The following KIAA1217 variants were observed in gnomAD, a reference collection of about 807,000 sequenced individuals.
KIAA1217 encodes the protein sickle tail protein homolog.
In KIAA1217, 88 loss-of-function variants were observed where a neutral mutation model predicts 163.9. That is an observed-to-expected ratio of 0.54 (90% CI 0.45 to 0.64). The LOEUF (loss-of-function observed/expected upper bound fraction) is 0.64. Among genes scored for constraint, KIAA1217 ranks in the 30% least tolerant of loss-of-function variants. The probability of loss-of-function intolerance (pLI) is 0.00; values close to 1 mark genes in which losing one functional copy is unlikely to be tolerated. For missense variants in KIAA1217, 2,372 were observed against 2,475.0 expected, an observed-to-expected ratio of 0.96 and a Z score of 0.88; for synonymous variants, 903 against 923.1, an observed-to-expected ratio of 0.98 and a Z score of 0.39.
chr10:24,435,597 G>A (rs960280273), intron 4 of KIAA1217, among the ~76,000 whole-genome samples: 1 of 152,166 alleles, frequency 6.6e-6, no homozygotes, highest in Admixed American at 6.5e-5. Flanking sequence ...CCTGTGCAAG[G>A]ATTTTTATAT....
At chr10:23,870,582 C>T (rs2131160649) in intron 1 of KIAA1217, among the ~76,000 whole-genome samples, 1 of 152,200 alleles carries the variant, frequency 6.6e-6, no homozygotes, top group East Asian at 1.9e-4. Context: ...ACCTTATTTA[C>T]TGTTTATTCT....
intron 2 of KIAA1217, among the ~76,000 whole-genome samples, chr10:24,286,457 C>T (rs986873420): frequency 6.0e-4 from 90 of 149,780 alleles, no homozygotes; most frequent in African/African-American, 1.6e-3. Context: ...TATATATATA[C>T]ACACACACAC....
chr10:23,981,212 A>C (rs1845753503), intron 1 of KIAA1217, among the ~76,000 whole-genome samples: 2 of 152,220 alleles, frequency 1.3e-5, no homozygotes, highest in Non-Finnish European at 2.9e-5. Context: ...ACTTTCTGAA[A>C]TTGTAAGGAA....
At chr10:23,932,500 G>T (rs2131314480) in intron 1 of KIAA1217, among the ~76,000 whole-genome samples, 1 of 139,372 alleles carries the variant, frequency 7.2e-6, no homozygotes, top group East Asian at 2.0e-4. Context: ...CCTCAACTCT[G>T]GGCCTAATAC....
intron 2 of KIAA1217, among the ~76,000 whole-genome samples, chr10:24,102,713 T>C (rs1589506020): frequency 6.6e-6 from 1 of 152,336 alleles, no homozygotes; most frequent in Non-Finnish European, 1.5e-5. Flanking sequence ...GCCAAAAGAA[T>C]AAATTCCCTT....
At chr10:24,010,166 G>C (rs1051298658) in intron 2 of KIAA1217, among the ~76,000 whole-genome samples, 2 of 151,514 alleles carry the variant, frequency 1.3e-5, no homozygotes, top group African/African-American at 4.9e-5. Flanking sequence ...AGAAAACCTG[G>C]ACTGTATGAA....
rs185768873 is a variant in KIAA1217 at position 24,524,671 on chromosome 10, C to T, written c.2805C>T (p.Ser935=). The T allele has an allele frequency of 4.3e-5, 70 of 1,614,164 alleles. No individual in the cohort carries two copies. Among genetic ancestry groups the T allele is most frequent in the Admixed American group, 1.7e-4 (10 of 60,024 alleles). ...TGCAGATGTCGCAGGCTCCGCAGTC[C>T]CCACAGATACCCATGAATGGGTCTG... is the stretch of plus-strand genomic sequence containing the variant. The part of the protein sequence containing the change: ...STLQMSQAPQ[S]PQIPMNGSAM... The change falls in exon 13 of 21, where the codon TCC becomes TCT. Residue 935 remains serine (S), a synonymous_variant. Coordinates refer to ENST00000376454, the MANE Select transcript of KIAA1217 (RefSeq NM_019590.5).
At chr10:23,867,512 G>C (rs1280918129) in intron 1 of KIAA1217, among the ~76,000 whole-genome samples, 24 of 152,162 alleles carry the variant, frequency 1.6e-4, no homozygotes. Flanking sequence ...TCCAGCACCT[G>C]TTGTTTCCTG....
intron 1 of KIAA1217, among the ~76,000 whole-genome samples, chr10:23,902,654 G>C (rs1842004564): frequency 6.6e-6 from 1 of 152,102 alleles, no homozygotes; most frequent in African/African-American, 2.4e-5. Context: ...ATACTAGTCA[G>C]TCCAGTAATG....
intron 2 of KIAA1217, among the ~76,000 whole-genome samples, chr10:24,148,637 C>T (rs908323267): frequency 6.6e-6 from 1 of 152,186 alleles, no homozygotes; most frequent in African/African-American, 2.4e-5. Context: ...GATATGCCGG[C>T]TTCCCCTGTG....
intron 2 of KIAA1217, among the ~76,000 whole-genome samples, chr10:24,086,984 A>T (rs2061719631): frequency 6.6e-6 from 1 of 152,204 alleles, no homozygotes; most frequent in Non-Finnish European, 1.5e-5. Flanking sequence ...ACATGGCCTT[A>T]GGTCATCCTC....
At chr10:24,165,572 C>G (rs1409703466) in intron 2 of KIAA1217, among the ~76,000 whole-genome samples, 1 of 152,142 alleles carries the variant, frequency 6.6e-6, no homozygotes, top group African/African-American at 2.4e-5. Flanking sequence ...ATACCCTGAG[C>G]CATCGCCCAG....
chr10:23,946,806 A>AT (rs1435210724), intron 1 of KIAA1217, among the ~76,000 whole-genome samples: 4 of 152,046 alleles, frequency 2.6e-5, no homozygotes. Flanking sequence ...GACCATTTTT[A>AT]TTTTTTTGAG....
intron 5 of KIAA1217, among the ~76,000 whole-genome samples, chr10:24,472,731 A>G (rs1221270679): frequency 1.3e-5 from 2 of 152,160 alleles, no homozygotes; most frequent in Non-Finnish European, 2.9e-5. Flanking sequence ...GATTTTTTTA[A>G]ACACCATAGG....
chr10:23,746,146 C>G (rs1038860165), intron 1 of KIAA1217, among the ~76,000 whole-genome samples: 1 of 152,144 alleles, frequency 6.6e-6, no homozygotes, highest in Non-Finnish European at 1.5e-5. Flanking sequence ...GGCTTGGTGC[C>G]ATCCAAGCAG....
intron 5 of KIAA1217, among the ~76,000 whole-genome samples, chr10:24,469,257 C>G (rs1035273540): frequency 3.3e-5 from 5 of 151,962 alleles, no homozygotes; most frequent in African/African-American, 1.2e-4. Context: ...TCCTGAGTAG[C>G]TGGATTACAG....
In KIAA1217 at chr10:24,546,474, A is replaced by C; in HGVS notation, c.*150A>C. Reference sequence around the variant, plus strand: ...GCTAAATACTGGATTAATAGATTTCAGTAAAGCTCGTTCGTTTTGTTTGGT... The same window carrying C: ...GCTAAATACTGGATTAATAGATTTCCGTAAAGCTCGTTCGTTTTGTTTGGT... On this transcript the variant is annotated 3_prime_UTR_variant, in exon 21 of 21. Transcript: ENST00000376454. The C allele has an allele frequency of 1.1e-6, 1 of 874,604 alleles. No homozygotes were observed. Among genetic ancestry groups the C allele is most frequent in the Non-Finnish European group, 1.7e-6 (1 of 588,506 alleles). The allele number at this position is 874,604 out of a possible 1,614,324, so 54.2% of individuals were successfully genotyped here.
intron 1 of KIAA1217, among the ~76,000 whole-genome samples, chr10:23,828,106 G>A (rs543848532): frequency 1.3e-5 from 2 of 152,278 alleles, no homozygotes; most frequent in African/African-American, 2.4e-5. Context: ...GCACAAAGAC[G>A]GTAATAAACT....
chr10:23,820,507 G>A (rs1464864214), intron 1 of KIAA1217, among the ~76,000 whole-genome samples: 2 of 152,142 alleles, frequency 1.3e-5, no homozygotes, highest in African/African-American at 2.4e-5. Context: ...GAATACCCAC[G>A]TATTAAAACA....
Sources: allele counts gnomAD v4.1 joint callset (sites outside exome capture counted in the v4.1 genomes callset), GRCh38; gene constraint gnomAD v4.1.1; transcripts MANE v1.5; gene names NCBI Gene and HGNC (gene_info 2026-07-23, HGNC 2026-07-21).